The following COX16 variants were observed in gnomAD, a reference collection of about 807,000 sequenced individuals.
COX16 encodes the protein cytochrome c oxidase assembly factor COX16, also known as cytochrome c oxidase assembly protein COX16 homolog, mitochondrial.
In COX16, 12 loss-of-function variants were observed where a neutral mutation model predicts 15.4. The ratio of observed to expected loss-of-function variants is 0.78; its 90% confidence interval spans 0.50 to 1.26. COX16 has a LOEUF of 1.26. Ranked by LOEUF, COX16 falls within the 50% of genes most tolerant of loss-of-function variation. The probability of loss-of-function intolerance (pLI) is 0.00; values close to 1 mark genes in which losing one functional copy is unlikely to be tolerated. For synonymous variants in COX16, 46 were observed against 41.1 expected, an observed-to-expected ratio of 1.12 and a Z score of -0.46; for missense variants, 124 against 127.6, an observed-to-expected ratio of 0.97 and a Z score of 0.14.
chr14:70,350,546 AAG>A (rs1886924121), intron 1 of COX16, among the ~76,000 whole-genome samples: 1 of 152,232 alleles, frequency 6.6e-6, no homozygotes, highest in Non-Finnish European at 1.5e-5. Context: ...ACAGCTAACT[AAG>A]AGTTATCTTC....
intron 2 of COX16, among the ~76,000 whole-genome samples, chr14:70,335,436 C>T (rs539310637): frequency 2.6e-5 from 4 of 152,134 alleles, no homozygotes; most frequent in African/African-American, 7.2e-5. Flanking sequence ...CCAGGATAGA[C>T]CATATGTTAG....
At chr14:70,352,635 CTTTT>C (rs869290362) in intron 1 of COX16, among the ~76,000 whole-genome samples, 13 of 118,818 alleles carry the variant, frequency 1.1e-4, no homozygotes, top group African/African-American at 3.9e-4. Context: ...AAATATATTT[CTTTT>C]TTTTTCTTTT....
At chr14:70,335,827 TATA>T (rs1421282242) in intron 2 of COX16, among the ~76,000 whole-genome samples, 5 of 152,126 alleles carry the variant, frequency 3.3e-5, no homozygotes, top group African/African-American at 7.2e-5. Context: ...ATTTCACATA[TATA>T]ATATTGAATA....
In COX16 at chr14:70,325,146, G is replaced by A. The variant is rs1230070611; in HGVS notation, c.*1187C>T. The A allele has an allele frequency of 6.6e-6, 1 of 152,146 alleles. No individual in the cohort carries two copies. Among genetic ancestry groups the A allele is most frequent in the African/African-American group, 2.4e-5 (1 of 41,430 alleles). 9.4% of individuals were successfully genotyped at this position (152,146 alleles called of 1,614,324 possible). On this transcript the variant is annotated 3_prime_UTR_variant, in exon 4 of 4. Coordinates refer to ENST00000389912, the MANE Select transcript of COX16 (RefSeq NM_016468.7). ...AGAATACAAATTTTGACTAGGAGGA[G>A]AAAGGGGGAGTGGATTTATGATTTT...
intron 1 of COX16, among the ~76,000 whole-genome samples, chr14:70,347,788 C>T (rs1886827216): frequency 6.6e-6 from 1 of 152,134 alleles, no homozygotes; most frequent in Admixed American, 6.5e-5. Flanking sequence ...ACCACATATC[C>T]CTCCTCCAGT....
At chr14:70,359,461 G>C in intron 1 of COX16, 58 bp downstream of exon 1, 1 of 1,473,264 alleles carries the variant, frequency 6.8e-7, no homozygotes, top group Non-Finnish European at 9.5e-7. Flanking sequence ...CCCAGGTCTT[G>C]ATCCTGCCAA....
At position 70,329,164 on chromosome 14, in the gene COX16, C is replaced by T. The variant is rs1376678393; in HGVS notation, c.204+10G>A. On this transcript the variant is annotated intron_variant, in intron 3 of 3. Coordinates refer to ENST00000389912, the MANE Select transcript of COX16 (RefSeq NM_016468.7). Reference sequence around the variant, plus strand: ...TGTTATAAGACAGAGACTATATTAACATACCGTACCTCATATTCCGACTCT... The same window carrying T: ...TGTTATAAGACAGAGACTATATTAATATACCGTACCTCATATTCCGACTCT... The T allele has an allele frequency of 6.3e-7, 1 of 1,576,816 alleles. No individual in the cohort carries two copies. Among genetic ancestry groups the T allele is most frequent in the African/African-American group, 1.4e-5 (1 of 73,576 alleles).
At chr14:70,338,404 T>C (rs1192982296) in intron 2 of COX16, among the ~76,000 whole-genome samples, 1 of 152,240 alleles carries the variant, frequency 6.6e-6, no homozygotes, top group Non-Finnish European at 1.5e-5. Context: ...TGAACCACCA[T>C]GCCCGGCCCC....
chr14:70,338,869 A>G (rs1322547253), intron 2 of COX16, among the ~76,000 whole-genome samples: 4 of 152,164 alleles, frequency 2.6e-5, no homozygotes, highest in Admixed American at 2.6e-4. Context: ...CACCATGCCC[A>G]ATCTAATTTC....
intron 2 of COX16, among the ~76,000 whole-genome samples, chr14:70,336,042 G>A (rs375230938): frequency 5.3e-5 from 8 of 152,152 alleles, no homozygotes; most frequent in African/African-American, 1.9e-4. Flanking sequence ...GGATCATGAG[G>A]TCAGGAGATC....
intron 1 of COX16, among the ~76,000 whole-genome samples, chr14:70,354,067 C>T (rs931370449): frequency 7.2e-5 from 11 of 151,788 alleles, no homozygotes; most frequent in African/African-American, 1.2e-4. Flanking sequence ...ATCCCAACTA[C>T]GCCGGAGGCT....
At chr14:70,331,677 G>C (rs535173517) in intron 2 of COX16, among the ~76,000 whole-genome samples, 2 of 152,274 alleles carry the variant, frequency 1.3e-5, no homozygotes, top group Admixed American at 1.3e-4. Context: ...TAAATTGCTG[G>C]TAACAGTATA....
intron 1 of COX16, among the ~76,000 whole-genome samples, chr14:70,348,417 C>T (rs745308414): frequency 6.6e-6 from 1 of 152,212 alleles, no homozygotes; most frequent in Non-Finnish European, 1.5e-5. Context: ...CAATACCCTA[C>T]ACACTTCTGT....
chr14:70,331,092 C>T lies in COX16; in HGVS notation c.142-1856G>A, dbSNP rs1392097430. On this transcript the variant is annotated intron_variant, in intron 2 of 3. Transcript: ENST00000389912. ...GCACGATCTCGGCTCACTGCAACCT[C>T]TGCCTCCTGGGTTCAAGCAATTCCT... Among the ~76,000 whole-genome samples, 3 of 152,310 alleles carry T rather than the reference C, an allele frequency of 2.0e-5. No homozygotes were observed. In the East Asian group the frequency reaches 5.8e-4, roughly 29 times the overall value.
At chr14:70,340,763 C>G (rs1886600715) in intron 2 of COX16, among the ~76,000 whole-genome samples, 1 of 152,146 alleles carries the variant, frequency 6.6e-6, no homozygotes, top group Admixed American at 6.5e-5. Flanking sequence ...CCCAATAATC[C>G]CTCTACCTTA....
rs182316587 is a variant in COX16, at chr14:70,359,521, A to C, written c.67T>G (p.Leu23Val). The C allele has an allele frequency of 6.2e-7, 1 of 1,613,928 alleles. No individual in the cohort carries two copies. The highest frequency in any genetic ancestry group is 2.2e-5 in the East Asian group (1 of 44,882). The change falls in exon 1 of 4, where the codon TTG (leucine) becomes GTG (valine). Residue 23 changes from leucine to valine, a missense_variant and splice_region_variant. Transcript: ENST00000389912. ...AAGATCCTCCTCACTCCACTCACCAACATGGGGACTCCATAGCCGAGAGTC... is the reference window on the plus strand; with the variant it reads ...AAGATCCTCCTCACTCCACTCACCACCATGGGGACTCCATAGCCGAGAGTC... Reference protein sequence around the residue: ...NKTLGYGVPMLLLIVGGSFGL... With the variant: ...NKTLGYGVPMVLLIVGGSFGL...
chr14:70,354,030 G>A lies in COX16; in HGVS notation c.69+5489C>T, dbSNP rs1377900146. ...GACCACATAAAAATTTAAAACTTCT[G>A]GGTGGGTATGGTAGCTTATCCCTGT... On this transcript the variant is annotated intron_variant, in intron 1 of 3. Coordinates refer to ENST00000389912, the MANE Select transcript of COX16 (RefSeq NM_016468.7). Among the ~76,000 whole-genome samples the A allele has an allele frequency of 6.6e-5, 10 of 152,018 alleles. No homozygotes were observed. The East Asian group carries it at 1.9e-3, about 29-fold the overall frequency.
At chr14:70,341,704 A>G (rs971044795) in intron 2 of COX16, among the ~76,000 whole-genome samples, 1 of 152,206 alleles carries the variant, frequency 6.6e-6, no homozygotes, top group Non-Finnish European at 1.5e-5. Flanking sequence ...AGACGATAAC[A>G]TATAGCCCCA....
In COX16 at chr14:70,357,156, G is replaced by A. The variant is rs1296744830; in HGVS notation, c.69+2363C>T. ...AACAGACTTCTCCTAGGAAGCGTTT[G>A]TCAAAAAAAAAAAAAAAAAAAAAAA... On this transcript the variant is annotated intron_variant, in intron 1 of 3. Coordinates refer to ENST00000389912, the MANE Select transcript of COX16 (RefSeq NM_016468.7). 3.0e-4 allele frequency among the ~76,000 whole-genome samples: 9 copies of A among 30,358 alleles called. No individual in the cohort carries two copies. The East Asian group carries it at 6.6e-3, about 22-fold the overall frequency. 19.9% of individuals were successfully genotyped at this position (30,358 alleles called of 152,430 possible). A position where few individuals can be genotyped will look rare whatever the true frequency, so the allele number is the denominator to read the frequency against.
Sources: allele counts gnomAD v4.1 joint callset (sites outside exome capture counted in the v4.1 genomes callset), GRCh38; gene constraint gnomAD v4.1.1; transcripts MANE v1.5; gene names NCBI Gene and HGNC (gene_info 2026-07-23, HGNC 2026-07-21).